Variants in RIMS2 observed in about 807,000 individuals in gnomAD.
RIMS2 encodes the protein regulating synaptic membrane exocytosis 2, also known as regulating synaptic membrane exocytosis protein 2.
Under a neutral mutation model 174.4 loss-of-function variants are expected in RIMS2, and 59 were observed. That is an observed-to-expected ratio of 0.34 (90% CI 0.27 to 0.42). The LOEUF (loss-of-function observed/expected upper bound fraction) is 0.42, where lower values mean the gene tolerates loss of function less well. Among genes scored for constraint, RIMS2 ranks in the 10% least tolerant of loss-of-function variants. RIMS2 has a pLI of 1.00. For synonymous variants in RIMS2, 606 were observed against 572.5 expected (o/e 1.06, Z -0.84); for missense variants, 1,620 against 1,666.3 (o/e 0.97, Z 0.48).
chr8:104,247,602 G>A (rs1165718388), intron 20 of RIMS2, among the ~76,000 whole-genome samples: 3 of 152,206 alleles, frequency 2.0e-5, no homozygotes, highest in Non-Finnish European at 4.4e-5. Context: ...ATGGCTCCAA[G>A]GTTGACCAGT....
chr8:104,142,068 C>T (rs925741256), intron 19 of RIMS2, among the ~76,000 whole-genome samples: 12 of 151,790 alleles, frequency 7.9e-5, no homozygotes, highest in Non-Finnish European at 1.8e-4. Flanking sequence ...TGCTACATAG[C>T]CTACTACTTT....
chr8:103,611,968 ATT>A (rs1389356478), intron 1 of RIMS2, among the ~76,000 whole-genome samples: 2 of 101,344 alleles, frequency 2.0e-5, no homozygotes, highest in African/African-American at 8.8e-5. Context: ...ATTGTTTTTT[ATT>A]TTTTTTCTCT....
chr8:104,231,367 T>C (rs1157324377), intron 19 of RIMS2, among the ~76,000 whole-genome samples: 1 of 152,098 alleles, frequency 6.6e-6, no homozygotes, highest in Non-Finnish European at 1.5e-5. Flanking sequence ...TCTTTTTTTA[T>C]GGTTTAGCAT....
chr8:104,089,161 T>A (rs897703846), intron 19 of RIMS2, among the ~76,000 whole-genome samples: 11 of 151,980 alleles, frequency 7.2e-5, no homozygotes, highest in African/African-American at 2.7e-4. Flanking sequence ...TTAAAGAGAA[T>A]GGTTAACAGG....
intron 2 of RIMS2, among the ~76,000 whole-genome samples, chr8:103,701,947 G>A (rs1051334411): frequency 3.9e-5 from 6 of 151,964 alleles, no homozygotes; most frequent in South Asian, 2.1e-4. Flanking sequence ...GGGTACATAC[G>A]TGGTAGTGGA....
intron 5 of RIMS2, chr8:103,910,324 A>G (rs368817249): frequency 1.2e-5 from 19 of 1,561,446 alleles, no homozygotes; most frequent in Non-Finnish European, 1.1e-5. Context: ...CCTGTAGGGG[A>G]CAGTCAAAAG....
At chr8:103,660,811 T>C (rs896126668) in intron 1 of RIMS2, among the ~76,000 whole-genome samples, 13 of 152,108 alleles carry the variant, frequency 8.5e-5, no homozygotes, top group African/African-American at 2.4e-4. Flanking sequence ...TGACAAATGA[T>C]AGGTTGCTCA....
chr8:103,802,893 A>G (rs1265424981), intron 3 of RIMS2, among the ~76,000 whole-genome samples: 16 of 152,146 alleles, frequency 1.1e-4, no homozygotes, highest in Admixed American at 1.0e-3. Flanking sequence ...AAAGATGAAG[A>G]TACATTTTCC....
intron 17 of RIMS2, among the ~76,000 whole-genome samples, chr8:103,990,346 G>A (rs1390563849): frequency 6.6e-6 from 1 of 152,044 alleles, no homozygotes; most frequent in Non-Finnish European, 1.5e-5. Context: ...GAACTAAAGA[G>A]GGGATATCAT....
chr8:104,157,525 C>T (rs75177861), intron 19 of RIMS2, among the ~76,000 whole-genome samples: 6,298 of 152,318 alleles, frequency 0.041, 294 homozygotes, highest in East Asian at 0.15. Context: ...AAAACTTAAA[C>T]TATGTATCCA....
intron 4 of RIMS2, among the ~76,000 whole-genome samples, chr8:103,901,796 C>T (rs1315753735): frequency 6.6e-6 from 1 of 152,136 alleles, no homozygotes; most frequent in Non-Finnish European, 1.5e-5. Context: ...TTCTACTGTA[C>T]TTTAGCCAGC....
At chr8:104,245,195 C>A (rs2099324278) in intron 20 of RIMS2, 138 bp downstream of exon 26, 1 of 766,682 alleles carries the variant, frequency 1.3e-6, no homozygotes, top group South Asian at 1.9e-5. Flanking sequence ...GTGAAGAGAA[C>A]TTTGCTCACC....
chr8:103,894,305 A>C (rs907184836), intron 4 of RIMS2, among the ~76,000 whole-genome samples: 2 of 151,730 alleles, frequency 1.3e-5, no homozygotes, highest in African/African-American at 4.9e-5. Flanking sequence ...ATTTTGCAGT[A>C]GAAATATCTT....
At chr8:104,027,529 T>C (rs1298581867) in intron 19 of RIMS2, among the ~76,000 whole-genome samples, 1 of 152,170 alleles carries the variant, frequency 6.6e-6, no homozygotes, top group Non-Finnish European at 1.5e-5. Context: ...CCTTAAATCA[T>C]CTTCTCTTTG....
intron 3 of RIMS2, among the ~76,000 whole-genome samples, chr8:103,875,465 G>C (rs1171766343): frequency 6.6e-6 from 1 of 152,018 alleles, no homozygotes; most frequent in African/African-American, 2.4e-5. Context: ...TTGCTGAGTA[G>C]TATTCCATGG....
chr8:104,054,491 T>C (rs746944940), intron 19 of RIMS2, among the ~76,000 whole-genome samples: 2 of 152,182 alleles, frequency 1.3e-5, no homozygotes, highest in Non-Finnish European at 2.9e-5. Context: ...AAAATGTTAA[T>C]ATCACTTTAT....
chr8:103,501,204 G>A lies in RIMS2; in HGVS notation c.176+142G>A. The stretch of plus-strand genomic sequence containing the variant: ...GGCCACGAGGGCTGCGGCCAGCGCC[G>A]GCCGCCCGGGCTGTTTTAGGGGTGT... On this transcript the variant is annotated intron_variant, in intron 1 of 23. Transcript: ENST00000504942. The A allele has an allele frequency of 1.4e-5, 7 of 483,938 alleles. 1 individual carries two copies. The highest frequency in any genetic ancestry group is 2.4e-5 in the Non-Finnish European group (7 of 294,978). The allele number at this position is 483,938 out of a possible 1,614,324, so 30.0% of individuals were successfully genotyped here. A position where few individuals can be genotyped will look rare whatever the true frequency, so the allele number is the denominator to read the frequency against.
intron 17 of RIMS2, among the ~76,000 whole-genome samples, chr8:104,008,212 G>T (rs531667137): frequency 6.6e-6 from 1 of 152,030 alleles, no homozygotes; most frequent in South Asian, 2.1e-4. Context: ...TTTTACATTT[G>T]ACAAATCATT....
At chr8:103,934,523 AAATTGT>A (rs1283745241) in intron 12 of RIMS2, among the ~76,000 whole-genome samples, 1 of 152,150 alleles carries the variant, frequency 6.6e-6, no homozygotes, top group Non-Finnish European at 1.5e-5. Flanking sequence ...TTGCCTTATT[AAATTGT>A]AATCATATAT....
Sources: allele counts gnomAD v4.1 joint callset (sites outside exome capture counted in the v4.1 genomes callset), GRCh38; gene constraint gnomAD v4.1.1; transcripts MANE v1.5; gene names NCBI Gene and HGNC (gene_info 2026-07-23, HGNC 2026-07-21).